The following BPTF variants were observed in gnomAD, a reference collection of about 807,000 sequenced individuals.
BPTF encodes bromodomain PHD finger transcription factor, also known as nucleosome-remodeling factor subunit BPTF.
In BPTF, 18 loss-of-function variants were observed where a neutral mutation model predicts 292.5. The observed-to-expected ratio is 0.06, with a 90% CI of 0.04 to 0.09. The LOEUF is 0.09. Among genes scored for constraint, BPTF ranks in the 10% least tolerant of loss-of-function variants. BPTF has a pLI of 1.00. For synonymous variants in BPTF, 1,225 were observed against 1,251.9 expected, an observed-to-expected ratio of 0.98 and a Z score of 0.45; for missense variants, 2,726 against 3,498.7, an observed-to-expected ratio of 0.78 and a Z score of 5.57.
At chr17:67,853,883 A>C (rs2058555688) in intron 1 of BPTF, 57 bp from the exon 2 acceptor site, 19 of 1,390,366 alleles carry the variant, frequency 1.4e-5, no homozygotes, top group Admixed American at 4.3e-5. Flanking sequence ...CAAATAGGAA[A>C]TTTGTAGAAA....
At position 67,825,802 on chromosome 17, in the gene BPTF, ACCGCCGCCG is replaced by A. The variant is rs1489258620; in HGVS notation, c.84_92del (p.Pro29_Pro31del). On this transcript the variant is annotated inframe_deletion, in exon 1 of 28. Transcript: ENST00000306378. Reference sequence around the variant, plus strand: ...AGCGCTGCGCCCCGGCCCCGCCGCCACCGCCGCCGCCGCCCACGTCCGGACCCATCGGGG... The same window carrying A: ...AGCGCTGCGCCCCGGCCCCGCCGCCACCGCCCACGTCCGGACCCATCGGGG... 9.7e-7 allele frequency: 1 copy of A among 1,027,278 alleles called. No homozygotes were observed. The highest frequency in any genetic ancestry group is 1.2e-6 in the Non-Finnish European group (1 of 859,846). 63.6% of individuals were successfully genotyped at this position (1,027,278 alleles called of 1,614,324 possible).
chr17:67,973,374 G>GA (rs1555692059), intron 26 of BPTF, among the ~76,000 whole-genome samples: 1 of 147,470 alleles, frequency 6.8e-6, no homozygotes, highest in Admixed American at 6.8e-5. Flanking sequence ...ACTGTCTCAA[G>GA]AAAAAAAAAT....
chr17:67,932,024 T>C lies in BPTF; in HGVS notation c.6259+5T>C. ...CACCTGTGATGGTACAGCCAGGTAT[T>C]TATCCATCCAGCATTATCATTTTAC... is the stretch of plus-strand genomic sequence containing the variant. On this transcript the variant is annotated splice_donor_5th_base_variant and intron_variant, in intron 18 of 27. Coordinates refer to ENST00000306378, the MANE Select transcript of BPTF (RefSeq NM_182641.4). 1 of 1,608,004 alleles carries C rather than the reference T, an allele frequency of 6.2e-7. No individual in the cohort carries two copies. Among genetic ancestry groups the C allele is most frequent in the Non-Finnish European group, 8.5e-7 (1 of 1,174,660 alleles).
intron 1 of BPTF, among the ~76,000 whole-genome samples, chr17:67,827,346 C>G (rs1251545712): frequency 6.6e-6 from 1 of 152,126 alleles, no homozygotes; most frequent in Non-Finnish European, 1.5e-5. Flanking sequence ...TCCATGGTAA[C>G]CCCTCTTCTG....
Position 67,945,660 on chromosome 17 carries a change from G to T in BPTF, c.6952G>T (p.Ala2318Ser). ...HVPSEAQPTH[A>S]QSSKPQVAAQ... ...CCCTTCTGAAGCACAACCCACCCAC[G>T]CACAGTCATCCAAGCCCCAAGTTGC... Residue 2318 changes from alanine (A) to serine (S), a missense_variant, in exon 21 of 28, where the codon GCA becomes TCA. By Grantham distance (99) the Ala-to-Ser change is moderately conservative. Around this residue, in one of 22 missense-constraint regions of BPTF, gnomAD observed 570 missense variants for 633.5 expected, o/e 0.90. Coordinates refer to ENST00000306378, the MANE Select transcript of BPTF (RefSeq NM_182641.4). The T allele has an allele frequency of 6.2e-7, 1 of 1,613,930 alleles. No homozygotes were observed. The highest frequency in any genetic ancestry group is 8.5e-7 in the Non-Finnish European group (1 of 1,179,998).
chr17:67,877,690 C>T (rs1002321545), intron 4 of BPTF, among the ~76,000 whole-genome samples: 4 of 152,156 alleles, frequency 2.6e-5, no homozygotes, highest in African/African-American at 9.7e-5. Flanking sequence ...GTGATCATGG[C>T]TCACTGCAGG....
At chr17:67,846,589 A>G (rs750928406) in intron 1 of BPTF, among the ~76,000 whole-genome samples, 7 of 152,188 alleles carry the variant, frequency 4.6e-5, no homozygotes, top group South Asian at 2.1e-4. Context: ...CACCTGCACA[A>G]TAGGCACTTG....
intron 23 of BPTF, among the ~76,000 whole-genome samples, chr17:67,950,157 G>A (rs2066204951): frequency 6.6e-6 from 1 of 151,358 alleles, no homozygotes; most frequent in Admixed American, 6.6e-5. Flanking sequence ...CAGCACTTTG[G>A]AGAGGCCGAG....
chr17:67,845,958 T>G (rs2057999894), intron 1 of BPTF, among the ~76,000 whole-genome samples: 1 of 152,048 alleles, frequency 6.6e-6, no homozygotes, highest in South Asian at 2.1e-4. Flanking sequence ...TGAAAGCTAT[T>G]TTTATCTTTC....
At position 67,912,972 on chromosome 17, in the gene BPTF, A is replaced by G; in HGVS notation, c.5088A>G (p.Pro1696=). ...TGAAACTGATGAAATTTTCAAGACC[A>G]AAGAAGACTCGTTCAGGTACAGCTC... ...DKVKLMKFSR[P]KKTRSGTALP... The change falls in exon 11 of 28, where the codon CCA becomes CCG. Residue 1696 remains proline, a synonymous_variant. Coordinates refer to ENST00000306378, the MANE Select transcript of BPTF (RefSeq NM_182641.4). The G allele has an allele frequency of 1.2e-6, 2 of 1,614,202 alleles. No individual in the cohort carries two copies. Among genetic ancestry groups the G allele is most frequent in the Non-Finnish European group, 8.5e-7 (1 of 1,180,020 alleles).
intron 3 of BPTF, among the ~76,000 whole-genome samples, chr17:67,869,690 ATTAG>A (rs759821078): frequency 3.3e-5 from 5 of 152,040 alleles, no homozygotes; most frequent in African/African-American, 4.8e-5. Flanking sequence ...ACTTTTAAAA[ATTAG>A]TTAAACCGGC....
chr17:67,907,744 C>T (rs2062329939), intron 9 of BPTF, among the ~76,000 whole-genome samples: 1 of 152,080 alleles, frequency 6.6e-6, no homozygotes, highest in Non-Finnish European at 1.5e-5. Flanking sequence ...CATGTTTCAC[C>T]AGAAGTTCAA....
intron 4 of BPTF, among the ~76,000 whole-genome samples, chr17:67,878,899 T>A (rs1012366361): frequency 2.0e-5 from 3 of 152,188 alleles, no homozygotes; most frequent in Admixed American, 2.0e-4. Context: ...TGGGGGTAAA[T>A]ATAACTTGTT....
chr17:67,949,604 C>CAT (rs1458636542), intron 23 of BPTF, among the ~76,000 whole-genome samples: 1 of 150,516 alleles, frequency 6.6e-6, no homozygotes. Context: ...TCTATTTATA[C>CAT]ATATATATAC....
At chr17:67,828,249 A>G (rs2143641892) in intron 1 of BPTF, among the ~76,000 whole-genome samples, 1 of 152,154 alleles carries the variant, frequency 6.6e-6, no homozygotes. Flanking sequence ...TTTTATAGTA[A>G]TAATTTTTAC....
chr17:67,970,591 T>C (rs1201164176), intron 26 of BPTF, among the ~76,000 whole-genome samples: 1 of 152,198 alleles, frequency 6.6e-6, no homozygotes, highest in Non-Finnish European at 1.5e-5. Flanking sequence ...TAAATGTGTT[T>C]AGAAATGCAT....
At chr17:67,851,759 C>T (rs921634702) in intron 1 of BPTF, among the ~76,000 whole-genome samples, 1 of 152,186 alleles carries the variant, frequency 6.6e-6, no homozygotes, top group Non-Finnish European at 1.5e-5. Flanking sequence ...TACCAGTTTA[C>T]AGTCCCAGTG....
At chr17:67,944,437 C>T in intron 20 of BPTF, 65 bp downstream of exon 20, 4 of 1,537,440 alleles carry the variant, frequency 2.6e-6, no homozygotes, top group Non-Finnish European at 3.5e-6. Flanking sequence ...CTAACAGAGG[C>T]CAACAGGAGA....
intron 1 of BPTF, among the ~76,000 whole-genome samples, chr17:67,827,909 C>T (rs1473620441): frequency 1.3e-5 from 2 of 150,414 alleles, no homozygotes; most frequent in African/African-American, 4.9e-5. Flanking sequence ...CATGTAAATC[C>T]TTGCCAACTT....
Sources: allele counts gnomAD v4.1 joint callset (sites outside exome capture counted in the v4.1 genomes callset), GRCh38; gene constraint gnomAD v4.1.1; regional missense constraint gnomAD v4.1.1; transcripts MANE v1.5; gene names NCBI Gene and HGNC (gene_info 2026-07-23, HGNC 2026-07-21).